UVRAG: variants seen among roughly 807,000 people sequenced by gnomAD.
UVRAG encodes the protein UV radiation resistance-associated gene protein.
UVRAG carries 19 observed loss-of-function variants against 78.0 expected under a neutral mutation model. That is an observed-to-expected ratio of 0.24 (90% CI 0.17 to 0.36). The LOEUF (loss-of-function observed/expected upper bound fraction) is 0.36, where lower values mean the gene tolerates loss of function less well. UVRAG is among the 10% of genes least tolerant of loss of function. The pLI is 1.00. For missense variants in UVRAG, 740 were observed against 853.8 expected (o/e 0.87, Z 1.66); for synonymous variants, 323 against 324.6 (o/e 1.00, Z 0.05).
At chr11:75,962,160 A>C (rs1283853923) in intron 7 of UVRAG, among the ~76,000 whole-genome samples, 1 of 152,070 alleles carries the variant, frequency 6.6e-6, no homozygotes, top group African/African-American at 2.4e-5. Context: ...TTTAAAAGCC[A>C]CTTGGGTATG....
At chr11:75,930,927 T>TTTATTTTCTTTC (rs1948219007) in intron 6 of UVRAG, 1 of 117,404 alleles carries the variant, frequency 8.5e-6, no homozygotes, top group African/African-American at 3.2e-5. Context: ...AGTGTCGGGA[T>TTTATTTTCTTTC]TTTCTTTCTT....
At chr11:75,854,953 A>T (rs1946254174) in intron 2 of UVRAG, among the ~76,000 whole-genome samples, 1 of 152,222 alleles carries the variant, frequency 6.6e-6, no homozygotes, top group African/African-American at 2.4e-5. Context: ...TACCTTAACA[A>T]AACTTCTGTG....
chr11:75,919,474 T>A (rs933762391), intron 6 of UVRAG, among the ~76,000 whole-genome samples: 14 of 151,044 alleles, frequency 9.3e-5, no homozygotes, highest in African/African-American at 3.5e-4. Context: ...GCTGATAGTT[T>A]GCTCTGTTAT....
chr11:75,828,719 ATATG>A (rs1945577058), intron 1 of UVRAG, among the ~76,000 whole-genome samples: 5 of 129,488 alleles, frequency 3.9e-5, no homozygotes, highest in Admixed American at 2.2e-4. Flanking sequence ...ATGTGTATAT[ATATG>A]TGTGTGTGTA....
At chr11:76,024,450 C>G (rs916145767) in intron 12 of UVRAG, among the ~76,000 whole-genome samples, 2 of 152,094 alleles carry the variant, frequency 1.3e-5, no homozygotes, top group African/African-American at 2.4e-5. Flanking sequence ...TATTCTTCCT[C>G]TATCTTCCTC....
At chr11:76,139,684 A>G (rs1431653179) in intron 14 of UVRAG, among the ~76,000 whole-genome samples, 1 of 152,222 alleles carries the variant, frequency 6.6e-6, no homozygotes, top group Non-Finnish European at 1.5e-5. Context: ...AGCATAGTGT[A>G]TAACATAGCC....
rs373769625 is a variant in UVRAG at position 76,058,148 on chromosome 11, C to T, written c.1227-7562C>T. 6.6e-5 allele frequency among the ~76,000 whole-genome samples: 10 copies of T among 152,236 alleles called. No individual in the cohort carries two copies. In the South Asian group the frequency reaches 1.2e-3, roughly 19 times the overall value. ...GTTATAATCTATCCCAATTTCTGAA[C>T]CCCTAAGCATACCAGAGTTAACTCA... On this transcript the variant is annotated intron_variant, in intron 12 of 14. Transcript: ENST00000356136.
At chr11:75,845,833 A>G (rs964596310) in intron 1 of UVRAG, among the ~76,000 whole-genome samples, 4 of 152,070 alleles carry the variant, frequency 2.6e-5, no homozygotes, top group Non-Finnish European at 4.4e-5. Context: ...CAAAACCTGT[A>G]TATGTACCTC....
chr11:75,970,274 T>C (rs1949098853), intron 7 of UVRAG, among the ~76,000 whole-genome samples: 1 of 152,212 alleles, frequency 6.6e-6, no homozygotes, highest in Non-Finnish European at 1.5e-5. Context: ...ATGTAGTATT[T>C]ATATGGAAAC....
chr11:75,878,826 A>G (rs1033333665), intron 3 of UVRAG, among the ~76,000 whole-genome samples: 5 of 146,916 alleles, frequency 3.4e-5, no homozygotes, highest in Admixed American at 1.4e-4. Flanking sequence ...GTCCAGCTTC[A>G]GCTCGGCATC....
At chr11:76,040,666 G>T (rs1302164480) in intron 12 of UVRAG, among the ~76,000 whole-genome samples, 1 of 151,742 alleles carries the variant, frequency 6.6e-6, no homozygotes, top group Non-Finnish European at 1.5e-5. Flanking sequence ...AGCAATTCTC[G>T]TGCCTCAGCC....
intron 1 of UVRAG, among the ~76,000 whole-genome samples, chr11:75,844,432 T>C (rs933801560): frequency 1.3e-5 from 2 of 152,008 alleles, no homozygotes; most frequent in Non-Finnish European, 2.9e-5. Context: ...TTCACTGTGT[T>C]AGCCAGATGG....
At chr11:75,828,703 A>G (rs1945575644) in intron 1 of UVRAG, among the ~76,000 whole-genome samples, 1 of 143,368 alleles carries the variant, frequency 7.0e-6, no homozygotes, top group Non-Finnish European at 1.5e-5. Flanking sequence ...GTGTGTATAT[A>G]TATATATGTG....
chr11:76,076,680 G>C (rs192368267), intron 13 of UVRAG, among the ~76,000 whole-genome samples: 2 of 152,056 alleles, frequency 1.3e-5, no homozygotes, highest in East Asian at 1.9e-4. Flanking sequence ...GTTTTGACTT[G>C]AATTTTTTCT....
intron 12 of UVRAG, among the ~76,000 whole-genome samples, chr11:76,050,741 A>T (rs1041485454): frequency 1.3e-5 from 2 of 152,158 alleles, no homozygotes; most frequent in Non-Finnish European, 2.9e-5. Flanking sequence ...GATTTTTTTT[A>T]AATGCATTTT....
Position 75,869,365 on chromosome 11 carries a change from C to G in UVRAG, c.270+7585C>G, listed in dbSNP as rs541799896. On this transcript the variant is annotated intron_variant, in intron 3 of 14. Coordinates refer to ENST00000356136, the MANE Select transcript of UVRAG (RefSeq NM_003369.4). ...TTTAAATCTTTGGGAAAAAAACTGG[C>G]TAAACAGTACAAATACTTTTTATGA... is the stretch of plus-strand genomic sequence containing the variant. Among the ~76,000 whole-genome samples, 120 of 152,132 alleles carry G rather than the reference C, an allele frequency of 7.9e-4. 2 individuals are homozygous for G. Among genetic ancestry groups the G allele is most frequent in the Non-Finnish European group, 2.4e-4 (16 of 68,026 alleles).
At chr11:75,868,212 A>G (rs1473237468) in intron 3 of UVRAG, among the ~76,000 whole-genome samples, 1 of 152,232 alleles carries the variant, frequency 6.6e-6, no homozygotes, top group Non-Finnish European at 1.5e-5. Context: ...GTGAGGGAAC[A>G]AGCTATATAG....
intron 8 of UVRAG, among the ~76,000 whole-genome samples, chr11:75,987,798 G>T (rs529873668): frequency 6.6e-6 from 1 of 151,470 alleles, no homozygotes; most frequent in South Asian, 2.1e-4. Context: ...GTAAAATGGC[G>T]TGGTCTCGGC....
chr11:75,880,029 T>C lies in UVRAG; in HGVS notation c.421T>C (p.Leu141=). The C allele has an allele frequency of 1.2e-6, 2 of 1,614,128 alleles. No homozygotes were observed. Among genetic ancestry groups the C allele is most frequent in the Non-Finnish European group, 8.5e-7 (1 of 1,179,976 alleles). ...WKVCLDGLKY[L]GQQIHARNQN... is the part of the protein sequence containing the mutation. The stretch of plus-strand genomic sequence containing the variant: ...AGTCTGTTTGGATGGGCTGAAATAC[T>C]TGGGTCAGCAGGTAATTTTTAGACT... Residue 141 remains leucine (L), a synonymous_variant, in exon 4 of 15, where the codon TTG becomes CTG. Transcript: ENST00000356136.
Sources: allele counts gnomAD v4.1 joint callset (sites outside exome capture counted in the v4.1 genomes callset), GRCh38; gene constraint gnomAD v4.1.1; transcripts MANE v1.5; gene names NCBI Gene and HGNC (gene_info 2026-07-23, HGNC 2026-07-21).